Variants in ANKS1B observed in about 807,000 individuals in gnomAD.
ANKS1B encodes ankyrin repeat and sterile alpha motif domain containing 1B.
ANKS1B carries 36 observed loss-of-function variants against 148.3 expected under a neutral mutation model. That is an observed-to-expected ratio of 0.24 (90% CI 0.19 to 0.32). The LOEUF (loss-of-function observed/expected upper bound fraction) is 0.32, where lower values mean the gene tolerates loss of function less well. ANKS1B is among the 10% of genes least tolerant of loss of function. ANKS1B has a pLI of 1.00. For missense variants in ANKS1B, 1,157 were observed against 1,542.6 expected (o/e 0.75, Z 4.19); for synonymous variants, 542 against 560.8 (o/e 0.97, Z 0.47).
At chr12:99,634,943 GA>G (rs1457635184) in intron 9 of ANKS1B, among the ~76,000 whole-genome samples, 1 of 152,020 alleles carries the variant, frequency 6.6e-6, no homozygotes, top group Non-Finnish European at 1.5e-5. Flanking sequence ...TTAAAAAATA[GA>G]AAAAAGACTT....
At chr12:99,959,669 C>CA (rs1462532013) in intron 1 of ANKS1B, among the ~76,000 whole-genome samples, 3 of 151,264 alleles carry the variant, frequency 2.0e-5, no homozygotes, top group Non-Finnish European at 4.4e-5. Flanking sequence ...TTTTCATGGC[C>CA]AAAAAAAAGC....
intron 17 of ANKS1B, among the ~76,000 whole-genome samples, chr12:98,860,107 C>T (rs1222232889): frequency 6.6e-6 from 1 of 152,236 alleles, no homozygotes; most frequent in Non-Finnish European, 1.5e-5. Flanking sequence ...AAAACCTGTT[C>T]TGTTAATGTA....
intron 1 of ANKS1B, among the ~76,000 whole-genome samples, chr12:99,958,298 G>C (rs2095353615): frequency 1.3e-5 from 2 of 152,142 alleles, no homozygotes; most frequent in South Asian, 4.1e-4. Flanking sequence ...AGTTAGGAGG[G>C]AGCCAAACCA....
chr12:99,489,198 C>T (rs921302836), intron 10 of ANKS1B, among the ~76,000 whole-genome samples: 33 of 147,856 alleles, frequency 2.2e-4, no homozygotes, highest in Admixed American at 1.8e-3. Context: ...GCGGAGATGA[C>T]GCCATTGCAC....
intron 8 of ANKS1B, among the ~76,000 whole-genome samples, chr12:99,691,509 G>A (rs1323101055): frequency 1.3e-5 from 2 of 152,146 alleles, no homozygotes; most frequent in Non-Finnish European, 2.9e-5. Context: ...AAGTTCCACA[G>A]ATCTCTAGGG....
At chr12:99,244,467 G>A in intron 13 of ANKS1B, 53 bp from the exon 14 acceptor site, 1 of 1,218,908 alleles carries the variant, frequency 8.2e-7, no homozygotes, top group Non-Finnish European at 1.2e-6. Flanking sequence ...TTTTAACATT[G>A]TATTTTAAAA....
intron 12 of ANKS1B, among the ~76,000 whole-genome samples, chr12:99,268,677 A>T (rs569282385): frequency 7.2e-5 from 11 of 152,248 alleles, no homozygotes; most frequent in Non-Finnish European, 1.6e-4. Flanking sequence ...AAGAAATGTA[A>T]TAGGAAAGCA....
chr12:99,729,440 T>C (rs2058927294), intron 8 of ANKS1B, among the ~76,000 whole-genome samples: 1 of 152,178 alleles, frequency 6.6e-6, no homozygotes, highest in Non-Finnish European at 1.5e-5. Context: ...GTTCTTAGAG[T>C]GAACTTTTCA....
chr12:99,667,552 C>A (rs2153462582), intron 8 of ANKS1B, among the ~76,000 whole-genome samples: 1 of 152,124 alleles, frequency 6.6e-6, no homozygotes, highest in East Asian at 1.9e-4. Context: ...TTTTACTTTT[C>A]TCTTTAAAAT....
At chr12:99,492,320 TG>T (rs2152970910) in intron 10 of ANKS1B, among the ~76,000 whole-genome samples, 1 of 152,134 alleles carries the variant, frequency 6.6e-6, no homozygotes, top group East Asian at 1.9e-4. Flanking sequence ...GATGAATTTC[TG>T]GACACATACA....
At chr12:99,646,035 A>AAT (rs756441768) in intron 9 of ANKS1B, among the ~76,000 whole-genome samples, 4 of 151,908 alleles carry the variant, frequency 2.6e-5, no homozygotes, top group Non-Finnish European at 4.4e-5. Context: ...GTAAAAAAAA[A>AAT]AAAAAAAGGC....
chr12:99,818,832 T>A (rs1246213394), intron 2 of ANKS1B, among the ~76,000 whole-genome samples: 3 of 151,862 alleles, frequency 2.0e-5, no homozygotes, highest in South Asian at 2.1e-4. Flanking sequence ...TATATTTAAT[T>A]CACATCCATT....
At chr12:99,323,554 C>T (rs2085723176) in intron 12 of ANKS1B, among the ~76,000 whole-genome samples, 1 of 152,158 alleles carries the variant, frequency 6.6e-6, no homozygotes, top group African/African-American at 2.4e-5. Context: ...TTCTTACTTT[C>T]ATGTCTTATT....
At position 99,677,504 on chromosome 12, in the gene ANKS1B, T is replaced by C. The variant is rs551186457; in HGVS notation, c.1129-22294A>G. ...ATTTCCAAATGCTTTTCAGAAAATA[T>C]CTTGTAATTAGATTCTCTTTTAAAA... On this transcript the variant is annotated intron_variant, in intron 8 of 26. Transcript: ENST00000683438. Among the ~76,000 whole-genome samples, 5 of 152,280 alleles carry C rather than the reference T, an allele frequency of 3.3e-5. No individual in the cohort carries two copies. The South Asian group carries it at 1.0e-3, about 32-fold the overall frequency.
chr12:99,817,141 T>C (rs1252380562), intron 2 of ANKS1B, among the ~76,000 whole-genome samples: 1 of 135,590 alleles, frequency 7.4e-6, no homozygotes, highest in African/African-American at 2.8e-5. Flanking sequence ...TGTATTTTTG[T>C]ATTTTAATCA....
chr12:99,480,189 ATTTGTT>A (rs896076476), intron 10 of ANKS1B, among the ~76,000 whole-genome samples: 9 of 151,764 alleles, frequency 5.9e-5, no homozygotes, highest in African/African-American at 2.2e-4. Flanking sequence ...AATTATATTG[ATTTGTT>A]TTATGAAAAG....
intron 12 of ANKS1B, among the ~76,000 whole-genome samples, chr12:99,315,983 C>T (rs547021620): frequency 5.3e-5 from 8 of 152,244 alleles, no homozygotes; most frequent in Middle Eastern, 3.4e-3. Flanking sequence ...AACCATGTCC[C>T]TACAAAGGAC....
chr12:99,803,454 T>G (rs1397113136), intron 4 of ANKS1B, among the ~76,000 whole-genome samples: 2 of 152,180 alleles, frequency 1.3e-5, no homozygotes, highest in Non-Finnish European at 2.9e-5. Context: ...ATTCTTAGAA[T>G]GAGTGTCAAT....
intron 8 of ANKS1B, among the ~76,000 whole-genome samples, chr12:99,676,100 G>A (rs2098566820): frequency 6.6e-6 from 1 of 152,090 alleles, no homozygotes; most frequent in Non-Finnish European, 1.5e-5. Flanking sequence ...GGTTTCATAA[G>A]GGGTTTTTCC....
Sources: allele counts gnomAD v4.1 joint callset (sites outside exome capture counted in the v4.1 genomes callset), GRCh38; gene constraint gnomAD v4.1.1; transcripts MANE v1.5; gene names NCBI Gene and HGNC (gene_info 2026-07-23, HGNC 2026-07-21).